Variants in ACAP2 observed in about 807,000 individuals in gnomAD.
The protein encoded by ACAP2 is arf-GAP with coiled-coil, ANK repeat and PH domain-containing protein 2.
ACAP2 carries 39 observed loss-of-function variants against 115.8 expected under a neutral mutation model. The ratio of observed to expected loss-of-function variants is 0.34; its 90% CI spans 0.26 to 0.44. The LOEUF (loss-of-function observed/expected upper bound fraction) is 0.44, where lower values mean the gene tolerates loss of function less well. ACAP2 is among the 20% of genes least tolerant of loss of function. The pLI is 1.00. For missense variants in ACAP2, 662 were observed against 927.6 expected, an observed-to-expected ratio of 0.71 and a Z score of 3.72; for synonymous variants, 289 against 315.8, an observed-to-expected ratio of 0.92 and a Z score of 0.90.
intron 13 of ACAP2, among the ~76,000 whole-genome samples, chr3:195,303,336 G>A (rs1289459300): frequency 1.3e-5 from 2 of 151,984 alleles, no homozygotes; most frequent in African/African-American, 4.8e-5. Flanking sequence ...TTAAACCCGG[G>A]AGGGGGCTAT....
chr3:195,300,044 CTTTT>C (rs765234326), intron 15 of ACAP2, among the ~76,000 whole-genome samples: 6 of 34,348 alleles, frequency 1.7e-4, no homozygotes, highest in Non-Finnish European at 5.6e-4. Context: ...CTTTTTTTTT[CTTTT>C]TTTTTTTTTT....
At chr3:195,315,367 G>A (rs1027115130) in intron 10 of ACAP2, among the ~76,000 whole-genome samples, 1 of 152,104 alleles carries the variant, frequency 6.6e-6, no homozygotes, top group Non-Finnish European at 1.5e-5. Context: ...TAGTGTTTTT[G>A]GCAAACGTTC....
At chr3:195,424,284 T>TATATATATATATATA (rs1491225166) in intron 1 of ACAP2, among the ~76,000 whole-genome samples, 3 of 15,848 alleles carry the variant, frequency 1.9e-4, no homozygotes, top group African/African-American at 3.7e-4. Context: ...TATATATATA[T>TATATATATATATATA]TTTTTTTTTT....
At chr3:195,295,951 C>A in intron 16 of ACAP2, 59 bp from the exon 17 acceptor site, 1 of 1,410,804 alleles carries the variant, frequency 7.1e-7, no homozygotes. Flanking sequence ...GCTAATACCA[C>A]AACAAGCCAT....
At chr3:195,418,560 T>C (rs910747779) in intron 1 of ACAP2, among the ~76,000 whole-genome samples, 1 of 152,134 alleles carries the variant, frequency 6.6e-6, no homozygotes. Context: ...GCCTCTCAGG[T>C]AGCTGGGACT....
At chr3:195,434,199 G>A (rs1237662555) in intron 1 of ACAP2, among the ~76,000 whole-genome samples, 2 of 151,978 alleles carry the variant, frequency 1.3e-5, no homozygotes, top group Admixed American at 6.6e-5. Context: ...AAAGTGCTGG[G>A]ATTACAGGAA....
At chr3:195,312,422 G>A (rs1220997356) in intron 10 of ACAP2, among the ~76,000 whole-genome samples, 3 of 152,138 alleles carry the variant, frequency 2.0e-5, no homozygotes, top group Non-Finnish European at 4.4e-5. Context: ...TTTTTAAAAA[G>A]AGTTTACTAG....
At chr3:195,414,169 G>C (rs1713523775) in intron 1 of ACAP2, among the ~76,000 whole-genome samples, 1 of 152,164 alleles carries the variant, frequency 6.6e-6, no homozygotes, top group Non-Finnish European at 1.5e-5. Flanking sequence ...CCAAATACTG[G>C]TGAGGATGTT....
At chr3:195,358,905 T>G (rs1251117779) in intron 4 of ACAP2, among the ~76,000 whole-genome samples, 3 of 151,706 alleles carry the variant, frequency 2.0e-5, no homozygotes, top group African/African-American at 7.3e-5. Context: ...TTCCCAAAGA[T>G]CAAGGATAAA....
chr3:195,371,371 G>A (rs1235982143), intron 4 of ACAP2, among the ~76,000 whole-genome samples: 1 of 152,088 alleles, frequency 6.6e-6, no homozygotes, highest in African/African-American at 2.4e-5. Context: ...GATGTTGTTG[G>A]TGTACAGAAA....
chr3:195,326,752 A>G, intron 9 of ACAP2, 133 bp downstream of exon 9: 3 of 724,046 alleles, frequency 4.1e-6, no homozygotes, highest in Non-Finnish European at 6.5e-6. Context: ...CTTCAAAAAC[A>G]AAAGAGGAAT....
At chr3:195,291,966 GAAATTAT>G (rs1337981060) in intron 19 of ACAP2, 151 bp from the exon 20 acceptor site, 11 of 675,516 alleles carry the variant, frequency 1.6e-5, no homozygotes, top group African/African-American at 1.9e-5. Flanking sequence ...CCAAGGCAGA[GAAATTAT>G]AAATTATATT....
chr3:195,329,378 C>T (rs2050807), intron 8 of ACAP2, among the ~76,000 whole-genome samples: 3,256 of 152,156 alleles, frequency 0.021, 111 homozygotes, highest in East Asian at 0.1. Flanking sequence ...AAGCAGGTAT[C>T]CCTGGTCCTT....
chr3:195,348,388 T>G lies in ACAP2; in HGVS notation c.286-3071A>C, dbSNP rs1731321458. ...ATGTGAAAAACTCCACAAAGATGTC[T>G]TCACATCTTCATTGCTGAATTCTAC... is the stretch of plus-strand genomic sequence containing the variant. On this transcript the variant is annotated intron_variant, in intron 4 of 22. Coordinates refer to ENST00000326793, the MANE Select transcript of ACAP2 (RefSeq NM_012287.6). Among the ~76,000 whole-genome samples the G allele has an allele frequency of 2.0e-5, 3 of 152,184 alleles. No individual in the cohort carries two copies. In the South Asian group the frequency reaches 6.2e-4, roughly 32 times the overall value.
rs1008730545 is a variant in ACAP2 at position 195,418,912 on chromosome 3, T to C, written c.53+23883A>G. 3.9e-5 allele frequency among the ~76,000 whole-genome samples: 6 copies of C among 152,318 alleles called. 1 individual carries two copies. The highest frequency in any genetic ancestry group is 2.6e-4 in the Admixed American group (4 of 15,296). ...AGTGACTACCACACCCTAAATATTA[T>C]ATATGGGGCTATTCAAAAATATTGA... On this transcript the variant is annotated intron_variant, in intron 1 of 22. Coordinates refer to ENST00000326793, the MANE Select transcript of ACAP2 (RefSeq NM_012287.6).
At chr3:195,355,026 G>A (rs190491522) in intron 4 of ACAP2, among the ~76,000 whole-genome samples, 1 of 152,254 alleles carries the variant, frequency 6.6e-6, no homozygotes, top group African/African-American at 2.4e-5. Flanking sequence ...ACCATGCTCA[G>A]TTGATTTTTG....
chr3:195,292,578 T>A, intron 18 of ACAP2, 126 bp from the exon 19 acceptor site: 1 of 855,090 alleles, frequency 1.2e-6, no homozygotes, highest in South Asian at 1.8e-5. Flanking sequence ...GCAGTAAAGA[T>A]AGCACACTAA....
At chr3:195,323,234 C>T (rs1474845003) in intron 9 of ACAP2, among the ~76,000 whole-genome samples, 1 of 151,168 alleles carries the variant, frequency 6.6e-6, no homozygotes, top group African/African-American at 2.4e-5. Flanking sequence ...TCCTAGCCAG[C>T]AAAATAACAA....
At chr3:195,413,925 T>A (rs945599452) in intron 1 of ACAP2, among the ~76,000 whole-genome samples, 5 of 150,820 alleles carry the variant, frequency 3.3e-5, no homozygotes, top group Non-Finnish European at 7.4e-5. Flanking sequence ...CAATGAGCTA[T>A]GACTGTATCA....
Sources: gnomAD v4.1 joint callset for allele counts (sites outside exome capture counted in the v4.1 genomes callset) on GRCh38, gnomAD v4.1.1 for gene constraint, MANE v1.5 for transcripts, NCBI Gene and HGNC (gene_info 2026-07-23, HGNC 2026-07-21) for gene names.